Variants in GABRB2 observed in about 807,000 individuals in gnomAD.
The protein encoded by GABRB2 is gamma-aminobutyric acid receptor subunit beta-2.
A neutral mutation model predicts 54.7 loss-of-function variants in GABRB2; 16 were observed. That is an observed-to-expected ratio of 0.29 (90% confidence interval 0.20 to 0.44). The LOEUF (loss-of-function observed/expected upper bound fraction) is 0.44. Ranked by LOEUF, GABRB2 falls within the 20% of genes least tolerant of loss-of-function variation. GABRB2 has a pLI of 1.00. For missense variants in GABRB2, 355 were observed against 644.0 expected (o/e 0.55, Z 4.86); for synonymous variants, 244 against 233.8 (o/e 1.04, Z -0.40).
chr5:161,481,430 C>T lies in GABRB2; in HGVS notation c.238-21586G>A, dbSNP rs112016462. ...TTGCCGTAGACAGAGGTACCGGGAC[C>T]GTATAGTAAATGAACTTCTTCCTTA... On this transcript the variant is annotated intron_variant, in intron 3 of 9. Transcript: ENST00000393959. 2.0e-3 allele frequency among the ~76,000 whole-genome samples: 300 copies of T among 152,056 alleles called. 1 individual carries two copies. The highest frequency in any genetic ancestry group is 3.4e-3 in the Non-Finnish European group (230 of 67,948).
chr5:161,461,821 A>G (rs899676260), intron 3 of GABRB2, among the ~76,000 whole-genome samples: 1 of 152,190 alleles, frequency 6.6e-6, no homozygotes, highest in African/African-American at 2.4e-5. Flanking sequence ...AAATGAATGA[A>G]ATAATATATG....
intron 3 of GABRB2, among the ~76,000 whole-genome samples, chr5:161,495,422 T>C (rs747302145): frequency 5.9e-5 from 9 of 152,012 alleles, no homozygotes; most frequent in Non-Finnish European, 1.3e-4. Flanking sequence ...AAGTGAATGG[T>C]TTAATGCCAT....
chr5:161,362,284 T>G (rs768172641), intron 5 of GABRB2, among the ~76,000 whole-genome samples: 4 of 152,204 alleles, frequency 2.6e-5, no homozygotes, highest in African/African-American at 4.8e-5. Flanking sequence ...CCATATGAAA[T>G]GTAAAGTAGT....
At chr5:161,461,131 G>T (rs1442762034) in intron 3 of GABRB2, among the ~76,000 whole-genome samples, 1 of 152,122 alleles carries the variant, frequency 6.6e-6, no homozygotes, top group African/African-American at 2.4e-5. Context: ...TTACAAAGTG[G>T]CTAACTTATT....
At chr5:161,350,485 A>T (rs2113433386) in intron 5 of GABRB2, among the ~76,000 whole-genome samples, 1 of 152,276 alleles carries the variant, frequency 6.6e-6, no homozygotes, top group Middle Eastern at 3.4e-3. Flanking sequence ...CAAAGAGGCT[A>T]AAGACCTGTA....
At chr5:161,335,709 A>G (rs1432622458) in intron 6 of GABRB2, among the ~76,000 whole-genome samples, 1 of 152,168 alleles carries the variant, frequency 6.6e-6, no homozygotes, top group African/African-American at 2.4e-5. Context: ...GATAGTAAGA[A>G]TATTCTAAGT....
At chr5:161,521,752 A>G (rs574547300) in intron 3 of GABRB2, among the ~76,000 whole-genome samples, 1 of 152,070 alleles carries the variant, frequency 6.6e-6, no homozygotes, top group East Asian at 1.9e-4. Context: ...CTCTTAATGC[A>G]TGGTAAAAGA....
intron 4 of GABRB2, among the ~76,000 whole-genome samples, chr5:161,432,456 A>G (rs1466563993): frequency 6.6e-6 from 1 of 152,214 alleles, no homozygotes; most frequent in East Asian, 1.9e-4. Context: ...ATCAGTGCAA[A>G]GGACAATCAA....
intron 4 of GABRB2, among the ~76,000 whole-genome samples, chr5:161,429,350 A>AAAAAAAAAAAAG (rs1757106469): frequency 6.7e-6 from 1 of 148,598 alleles, no homozygotes; most frequent in African/African-American, 2.5e-5. Context: ...CGTCTCAAAA[A>AAAAAAAAAAAAG]AAAAAAAAGA....
At chr5:161,411,892 T>G (rs1756526179) in intron 4 of GABRB2, among the ~76,000 whole-genome samples, 1 of 152,082 alleles carries the variant, frequency 6.6e-6, no homozygotes, top group East Asian at 1.9e-4. Context: ...AGAACACAAG[T>G]TTTAAAACAT....
intron 3 of GABRB2, among the ~76,000 whole-genome samples, chr5:161,510,962 C>T (rs1487099268): frequency 6.6e-6 from 1 of 151,878 alleles, no homozygotes; most frequent in African/African-American, 2.4e-5. Context: ...GGTAACCAAA[C>T]TAATGATGAT....
Position 161,511,534 on chromosome 5 carries a change from G to T in GABRB2, c.237+33693C>A, listed in dbSNP as rs151258903. Among the ~76,000 whole-genome samples, 441 of 152,022 alleles carry T rather than the reference G, an allele frequency of 2.9e-3. 2 individuals are homozygous for T. Among genetic ancestry groups the T allele is most frequent in the African/African-American group, 0.01 (417 of 41,502 alleles). ...ATATCCAAGTACTATTTTTACCATA[G>T]GTATATTATGTATGTCTTGTTTTCA... On this transcript the variant is annotated intron_variant, in intron 3 of 9. Coordinates refer to ENST00000393959, the MANE Select transcript of GABRB2 (RefSeq NM_001371727.1).
At position 161,291,067 on chromosome 5, in the gene GABRB2, A is replaced by G. The variant is rs1757224479; in HGVS notation, c.*3014T>C. On this transcript the variant is annotated 3_prime_UTR_variant, in exon 10 of 10. Transcript: ENST00000393959. The stretch of plus-strand genomic sequence containing the variant: ...AAGAATTTTAACATTCCTTATGCAA[A>G]CACATGATTATGTTGCATGAGTTTT... The G allele has an allele frequency of 6.6e-6, 1 of 152,572 alleles. No homozygotes were observed. Among genetic ancestry groups the G allele is most frequent in the Non-Finnish European group, 1.5e-5 (1 of 68,020 alleles). 9.5% of individuals were successfully genotyped at this position (152,572 alleles called of 1,614,324 possible). A position where few individuals can be genotyped will look rare whatever the true frequency, so the allele number is the denominator to read the frequency against.
At chr5:161,350,595 T>C (rs1027214710) in intron 5 of GABRB2, among the ~76,000 whole-genome samples, 1 of 152,128 alleles carries the variant, frequency 6.6e-6, no homozygotes, top group African/African-American at 2.4e-5. Context: ...TCAACCTGAC[T>C]GGATTGAAGG....
At chr5:161,363,716 A>G (rs1226762529) in intron 5 of GABRB2, among the ~76,000 whole-genome samples, 6 of 152,126 alleles carry the variant, frequency 3.9e-5, no homozygotes, top group South Asian at 2.1e-4. Flanking sequence ...AAACAAAAAG[A>G]AACATTAGGG....
intron 9 of GABRB2, among the ~76,000 whole-genome samples, chr5:161,302,560 A>G (rs1398248601): frequency 6.6e-6 from 1 of 152,182 alleles, no homozygotes; most frequent in Non-Finnish European, 1.5e-5. Flanking sequence ...ATCCAAGTTC[A>G]CCAGTCATAT....
intron 4 of GABRB2, among the ~76,000 whole-genome samples, chr5:161,420,933 T>G (rs1232982720): frequency 1.3e-5 from 2 of 152,234 alleles, no homozygotes; most frequent in East Asian, 1.9e-4. Flanking sequence ...GGAATGAAAG[T>G]TCCTACCACC....
At chr5:161,300,136 GA>G (rs1757495242) in intron 9 of GABRB2, among the ~76,000 whole-genome samples, 1 of 152,138 alleles carries the variant, frequency 6.6e-6, no homozygotes, top group African/African-American at 2.4e-5. Context: ...AAAAGTATAG[GA>G]GATTGACAGG....
At chr5:161,356,923 G>A (rs1754648086) in intron 5 of GABRB2, among the ~76,000 whole-genome samples, 1 of 152,168 alleles carries the variant, frequency 6.6e-6, no homozygotes, top group Non-Finnish European at 1.5e-5. Context: ...TATTTATTTA[G>A]TGCATCCTAT....
Sources: gnomAD v4.1 joint callset for allele counts (sites outside exome capture counted in the v4.1 genomes callset) on GRCh38, gnomAD v4.1.1 for gene constraint, MANE v1.5 for transcripts, NCBI Gene and HGNC (gene_info 2026-07-23, HGNC 2026-07-21) for gene names.